The following CTNNA3 variants were observed in gnomAD, a reference collection of about 807,000 sequenced individuals.
The protein encoded by CTNNA3 is catenin alpha-3.
In CTNNA3, 76 loss-of-function variants were observed where a neutral mutation model predicts 95.7. The observed-to-expected ratio is 0.79, with a 90% CI of 0.66 to 0.96. The LOEUF is 0.96. Ranked by LOEUF, CTNNA3 falls within the 40% of genes least tolerant of loss-of-function variation. CTNNA3 has a pLI of 0.00. For synonymous variants in CTNNA3, 431 were observed against 374.4 expected (o/e 1.15, Z -1.74); for missense variants, 1,191 against 1,089.8 (o/e 1.09, Z -1.31).
intron 7 of CTNNA3, among the ~76,000 whole-genome samples, chr10:66,815,491 C>G (rs12268933): frequency 0.017 from 2,581 of 152,194 alleles, 83 homozygotes; most frequent in African/African-American, 0.058. Context: ...CTTGGGAAGA[C>G]TTATCTTTCA....
At chr10:66,227,450 T>C (rs911753760) in intron 13 of CTNNA3, among the ~76,000 whole-genome samples, 3 of 151,512 alleles carry the variant, frequency 2.0e-5, no homozygotes, top group African/African-American at 7.3e-5. Context: ...GATCATTCAA[T>C]TGTTGCTGTG....
intron 7 of CTNNA3, among the ~76,000 whole-genome samples, chr10:66,813,845 A>T (rs184654121): frequency 2.0e-5 from 3 of 149,616 alleles, no homozygotes; most frequent in African/African-American, 4.9e-5. Context: ...TGTGTGTGTG[A>T]GTGTGTGTGT....
At position 67,161,533 on chromosome 10, in the gene CTNNA3, T is replaced by C. The variant is rs147660570; in HGVS notation, c.1047+18784A>G. On this transcript the variant is annotated intron_variant, in intron 7 of 17. Coordinates refer to ENST00000433211, the MANE Select transcript of CTNNA3 (RefSeq NM_013266.4). ...CTACTAAAATAGCTATATAAAGATATATACTCAAAAATACTATAGACACAT... is the reference window on the plus strand; with the variant it reads ...CTACTAAAATAGCTATATAAAGATACATACTCAAAAATACTATAGACACAT... Among the ~76,000 whole-genome samples, 951 of 152,006 alleles carry C rather than the reference T, an allele frequency of 6.3e-3. 9 individuals carry two copies. The highest frequency in any genetic ancestry group is 0.022 in the African/African-American group (907 of 41,530).
At chr10:66,760,410 A>G (rs1312738752) in intron 9 of CTNNA3, among the ~76,000 whole-genome samples, 1 of 152,198 alleles carries the variant, frequency 6.6e-6, no homozygotes, top group Non-Finnish European at 1.5e-5. Flanking sequence ...CACAGGAATG[A>G]GCACTGTACC....
intron 5 of CTNNA3, among the ~76,000 whole-genome samples, chr10:67,439,571 G>A (rs1341779063): frequency 1.3e-5 from 2 of 152,014 alleles, no homozygotes; most frequent in African/African-American, 2.4e-5. Flanking sequence ...ATAAGAAACT[G>A]TCCTCATAAT....
chr10:66,368,088 T>C (rs1449159427), intron 12 of CTNNA3, among the ~76,000 whole-genome samples: 1 of 151,514 alleles, frequency 6.6e-6, no homozygotes, highest in African/African-American at 2.4e-5. Flanking sequence ...ATCTCTTGTT[T>C]AGTTTGGGCA....
intron 13 of CTNNA3, among the ~76,000 whole-genome samples, chr10:66,223,785 G>A (rs905816688): frequency 3.3e-5 from 5 of 152,154 alleles, no homozygotes; most frequent in African/African-American, 1.2e-4. Flanking sequence ...TTCTGGTTGT[G>A]TCTTTCAGCC....
chr10:67,230,431 G>C (rs1865135457), intron 5 of CTNNA3, among the ~76,000 whole-genome samples: 1 of 152,004 alleles, frequency 6.6e-6, no homozygotes, highest in South Asian at 2.1e-4. Context: ...CAAATACAAA[G>C]ATAAACAGTT....
At chr10:66,471,416 C>A (rs143152295) in intron 11 of CTNNA3, among the ~76,000 whole-genome samples, 1 of 151,816 alleles carries the variant, frequency 6.6e-6, no homozygotes, top group African/African-American at 2.4e-5. Context: ...TTCAAAAGTT[C>A]TTCAGCATAT....
At chr10:67,538,231 G>C (rs758124767) in intron 4 of CTNNA3, among the ~76,000 whole-genome samples, 34 of 136,038 alleles carry the variant, frequency 2.5e-4, no homozygotes, top group Middle Eastern at 3.6e-3. Context: ...AGAAAAAAAT[G>C]AAAGTACACA....
chr10:66,723,858 G>A (rs1295019109), intron 9 of CTNNA3, among the ~76,000 whole-genome samples: 1 of 152,150 alleles, frequency 6.6e-6, no homozygotes, highest in Non-Finnish European at 1.5e-5. Flanking sequence ...CAGGGAAGCA[G>A]AGAAACAAAT....
intron 11 of CTNNA3, among the ~76,000 whole-genome samples, chr10:66,484,555 G>C (rs566607115): frequency 5.1e-4 from 78 of 152,100 alleles, no homozygotes; most frequent in African/African-American, 1.8e-3. Flanking sequence ...AACAGAGAAA[G>C]ATATGCAATC....
intron 2 of CTNNA3, among the ~76,000 whole-genome samples, chr10:67,646,201 TA>T (rs751490977): frequency 6.8e-6 from 1 of 146,294 alleles, no homozygotes; most frequent in Non-Finnish European, 1.5e-5. Context: ...TTTTTTTTTT[TA>T]AACAGGGTCT....
chr10:66,510,352 A>T (rs997246546), intron 11 of CTNNA3, among the ~76,000 whole-genome samples: 3 of 138,186 alleles, frequency 2.2e-5, no homozygotes, highest in Admixed American at 2.1e-4. Context: ...GGACAATTTG[A>T]CTTCCTCTTT....
chr10:67,193,145 C>T (rs1863195915), intron 6 of CTNNA3, among the ~76,000 whole-genome samples: 1 of 151,754 alleles, frequency 6.6e-6, no homozygotes, highest in Non-Finnish European at 1.5e-5. Context: ...CCAGTGGGGG[C>T]AAACTTTCAG....
At chr10:67,308,275 C>A (rs182859688) in intron 5 of CTNNA3, among the ~76,000 whole-genome samples, 1 of 152,160 alleles carries the variant, frequency 6.6e-6, no homozygotes. Context: ...CATGTGTCAT[C>A]GGAGGGACCC....
chr10:66,590,641 T>C (rs1843517647), intron 10 of CTNNA3, among the ~76,000 whole-genome samples: 1 of 152,082 alleles, frequency 6.6e-6, no homozygotes, highest in Non-Finnish European at 1.5e-5. Context: ...TTTATTAAAA[T>C]TGCTATGGCA....
intron 13 of CTNNA3, 111 bp downstream of exon 13, chr10:66,280,359 T>C (rs1463173584): frequency 8.5e-6 from 8 of 943,976 alleles, no homozygotes; most frequent in Non-Finnish European, 1.3e-5. Context: ...TTTTAATAGA[T>C]TTCAGCATTG....
intron 12 of CTNNA3, among the ~76,000 whole-genome samples, chr10:66,374,600 A>G (rs1002186315): frequency 6.7e-6 from 1 of 148,212 alleles, no homozygotes; most frequent in Non-Finnish European, 1.5e-5. Context: ...ATTTTGAAAG[A>G]AAAGCCTTTT....
Sources: gnomAD v4.1 joint callset for allele counts (sites outside exome capture counted in the v4.1 genomes callset) on GRCh38, gnomAD v4.1.1 for gene constraint, MANE v1.5 for transcripts, NCBI Gene and HGNC (gene_info 2026-07-23, HGNC 2026-07-21) for gene names.